Variants in C4orf51 observed in about 807,000 individuals in gnomAD.
C4orf51 encodes chromosome 4 open reading frame 51.
Under a neutral mutation model 25.2 loss-of-function variants are expected in C4orf51, and 25 were observed. The ratio of observed to expected loss-of-function variants is 0.99; its 90% CI spans 0.72 to 1.39. C4orf51 has a LOEUF of 1.39. Ranked by LOEUF, C4orf51 falls within the 40% of genes most tolerant of loss-of-function variation. The pLI, the probability that C4orf51 is intolerant of heterozygous loss-of-function variation, is 0.00. For missense variants in C4orf51, 252 were observed against 239.6 expected (o/e 1.05, Z -0.34); for synonymous variants, 100 against 84.5 (o/e 1.18, Z -1.01).
intron 2 of C4orf51, among the ~76,000 whole-genome samples, chr4:145,725,140 C>T (rs1023508660): frequency 6.6e-6 from 1 of 151,564 alleles, no homozygotes; most frequent in African/African-American, 2.4e-5. Context: ...ACAGAACTTA[C>T]TCATGTAACC....
intron 1 of C4orf51, among the ~76,000 whole-genome samples, chr4:145,749,378 A>T (rs1429655202): frequency 6.6e-6 from 1 of 151,992 alleles, no homozygotes; most frequent in African/African-American, 2.4e-5. Flanking sequence ...TATGTCTTTT[A>T]ATCGGAAAGC....
chr4:145,728,111 C>T (rs918116154), intron 3 of C4orf51, among the ~76,000 whole-genome samples: 1 of 147,780 alleles, frequency 6.8e-6, no homozygotes, highest in Non-Finnish European at 1.5e-5. Flanking sequence ...TTTATAACTA[C>T]TGTAACCAAT....
intron 1 of C4orf51, among the ~76,000 whole-genome samples, chr4:145,752,072 G>A (rs1453621096): frequency 6.6e-6 from 1 of 152,158 alleles, no homozygotes; most frequent in Non-Finnish European, 1.5e-5. Flanking sequence ...CCCAGGGCAG[G>A]TCCAGAAATG....
intron 1 of C4orf51, among the ~76,000 whole-genome samples, chr4:145,740,028 C>T (rs1733007505): frequency 6.6e-6 from 1 of 152,092 alleles, no homozygotes; most frequent in Non-Finnish European, 1.5e-5. Context: ...TGCAAACAAA[C>T]GTTAAGTTCA....
chr4:145,754,015 T>C (rs564119965), intron 1 of C4orf51, among the ~76,000 whole-genome samples: 13 of 152,292 alleles, frequency 8.5e-5, no homozygotes, highest in African/African-American at 2.9e-4. Flanking sequence ...CCCAAGACCA[T>C]CAGTCCTTCT....
chr4:145,713,668 G>A (rs1307735454), intron 2 of C4orf51, among the ~76,000 whole-genome samples: 1 of 152,198 alleles, frequency 6.6e-6, no homozygotes, highest in Admixed American at 6.5e-5. Flanking sequence ...TGACAACAAA[G>A]CATTTATAAT....
the C4orf51 span, among the ~76,000 whole-genome samples, chr4:145,791,940 A>G: frequency 6.6e-6 from 1 of 152,194 alleles, no homozygotes; most frequent in Admixed American, 6.5e-5. Context: ...TAGGAAGCGT[A>G]TGTACTCTAC....
intron 5 of C4orf51, among the ~76,000 whole-genome samples, 162 bp downstream of exon 5, chr4:145,730,127 T>C (rs1732379710): frequency 6.6e-6 from 1 of 152,232 alleles, no homozygotes; most frequent in Admixed American, 6.5e-5. Context: ...GCGGAGCTGT[T>C]CTGATAAGAT....
intron 1 of C4orf51, among the ~76,000 whole-genome samples, chr4:145,767,125 T>A (rs1735422580): frequency 6.6e-6 from 1 of 152,180 alleles, no homozygotes; most frequent in South Asian, 2.1e-4. Flanking sequence ...CAGACACAGT[T>A]GTTAGACTTC....
the C4orf51 span, among the ~76,000 whole-genome samples, chr4:145,783,224 T>G: frequency 6.6e-6 from 1 of 152,214 alleles, no homozygotes; most frequent in Admixed American, 6.5e-5. Flanking sequence ...CTCTGCTACA[T>G]AAGAGGTGCT....
chr4:145,742,532 G>GTTTTTTTTTTTTTT (rs141147414), intron 1 of C4orf51, among the ~76,000 whole-genome samples: 3 of 104,990 alleles, frequency 2.9e-5, no homozygotes, highest in African/African-American at 4.1e-5. Flanking sequence ...TCTTTTTCTT[G>GTTTTTTTTTTTTTT]TTTTTTTTTT....
chr4:145,774,513 C>G, downstream of C4orf51: 1 of 1,610,284 alleles, frequency 6.2e-7, no homozygotes, highest in Non-Finnish European at 8.5e-7. Context: ...CACCTGTGTG[C>G]TTGGTGCCAA....
chr4:145,709,219 CA>C (rs954563834), intron 2 of C4orf51, among the ~76,000 whole-genome samples: 14 of 151,608 alleles, frequency 9.2e-5, no homozygotes, highest in African/African-American at 2.2e-4. Flanking sequence ...GGTTCTAACT[CA>C]AAAAAAAGCA....
intron 2 of C4orf51, among the ~76,000 whole-genome samples, chr4:145,720,956 T>C (rs936744616): frequency 3.9e-5 from 6 of 152,226 alleles, no homozygotes; most frequent in African/African-American, 1.4e-4. Context: ...TGAGCTGTCA[T>C]GGCAGAGGGA....
chr4:145,710,078 C>T (rs2036136), intron 2 of C4orf51, among the ~76,000 whole-genome samples: 62,475 of 152,018 alleles, frequency 0.41, 13,030 homozygotes, highest in Admixed American at 0.54. Context: ...GTGGAACGTA[C>T]CTGAGTCACA....
chr4:145,778,186 T>C, the C4orf51 span, among the ~76,000 whole-genome samples: 2 of 152,156 alleles, frequency 1.3e-5, no homozygotes, highest in Non-Finnish European at 2.9e-5. Flanking sequence ...CAGGCTGGAG[T>C]GCAGTGGCAC....
intron 2 of C4orf51, among the ~76,000 whole-genome samples, chr4:145,712,626 GA>G (rs1289503351): frequency 6.6e-6 from 1 of 152,236 alleles, no homozygotes; most frequent in Non-Finnish European, 1.5e-5. Context: ...TGTAAAGAAA[GA>G]AGCAATCTCC....
intron 2 of C4orf51, among the ~76,000 whole-genome samples, chr4:145,698,512 A>G (rs1326872692): frequency 6.6e-6 from 1 of 152,234 alleles, no homozygotes; most frequent in African/African-American, 2.4e-5. Context: ...ACAGAAAGGA[A>G]TGTCTGGGTT....
the C4orf51 span, among the ~76,000 whole-genome samples, chr4:145,780,015 A>C: frequency 6.6e-6 from 1 of 152,164 alleles, no homozygotes; most frequent in Admixed American, 6.5e-5. Context: ...ACATGGTGAA[A>C]CCTTGTATCT....
Sources: gnomAD v4.1 joint callset for allele counts (sites outside exome capture counted in the v4.1 genomes callset) on GRCh38, gnomAD v4.1.1 for gene constraint, MANE v1.5 for transcripts, NCBI Gene and HGNC (gene_info 2026-07-23, HGNC 2026-07-21) for gene names.